Variants in DST observed in about 807,000 individuals in gnomAD.
DST encodes dystonin.
Under a neutral mutation model 875.2 loss-of-function variants are expected in DST, and 253 were observed. The observed-to-expected ratio is 0.29, with a 90% CI of 0.26 to 0.32. The LOEUF is 0.32. Among genes scored for constraint, DST ranks in the 10% least tolerant of loss-of-function variants. The pLI is 1.00. For synonymous variants in DST, 3,124 were observed against 3,197.1 expected (o/e 0.98, Z 0.77); for missense variants, 8,287 against 9,111.6 (o/e 0.91, Z 3.68).
Position 56,851,496 on chromosome 6 carries a change from T to C in DST, c.526A>G (p.Thr176Ala). The C allele has an allele frequency of 6.2e-7, 1 of 1,614,018 alleles. No homozygotes were observed. The highest frequency in any genetic ancestry group is 8.5e-7 in the Non-Finnish European group (1 of 1,179,894). ...TGTTTAGGCAAATTCCAGGGTAAGG[T>C]GTCTCCCGGAGCTGGGGATGCGGAG... Reference protein sequence around the residue: ...SGSASPAPGDTLPWNLPKHER... With the variant: ...SGSASPAPGDALPWNLPKHER... Residue 176 changes from threonine (T) to alanine (A), a missense_variant, in exon 4 of 104, where the codon ACC (threonine) becomes GCC (alanine). Around this residue, in one of 10 missense-constraint regions of DST, gnomAD observed 1,160 missense variants for 1,424.3 expected, o/e 0.81. Transcript: ENST00000680361.
At chr6:56,695,215 G>A (rs2099257029) in intron 9 of DST, among the ~76,000 whole-genome samples, 1 of 150,306 alleles carries the variant, frequency 6.7e-6, no homozygotes, top group Non-Finnish European at 1.5e-5. Flanking sequence ...CTCTTACCAT[G>A]TGACAATCCT....
intron 61 of DST, among the ~76,000 whole-genome samples, chr6:56,543,133 AATT>A (rs1230711022): frequency 6.6e-6 from 1 of 152,170 alleles, no homozygotes. Context: ...TCCGCGAAGA[AATT>A]ATTTTGTGAA....
At chr6:56,693,512 T>G (rs1588700228) in intron 9 of DST, 1 of 557,798 alleles carries the variant, frequency 1.8e-6, no homozygotes, top group Non-Finnish European at 2.3e-6. Context: ...TTTTCTGAAA[T>G]GCAGATACAC....
intron 4 of DST, among the ~76,000 whole-genome samples, chr6:56,787,085 G>T (rs1035884497): frequency 1.3e-5 from 2 of 152,088 alleles, no homozygotes; most frequent in African/African-American, 4.8e-5. Context: ...TATGAAGTAG[G>T]TACAATCAAT....
intron 4 of DST, among the ~76,000 whole-genome samples, chr6:56,750,054 C>T (rs1235171046): frequency 6.6e-6 from 1 of 152,138 alleles, no homozygotes; most frequent in African/African-American, 2.4e-5. Flanking sequence ...CCCAGGAGTA[C>T]AGATGAGCAA....
intron 71 of DST, among the ~76,000 whole-genome samples, chr6:56,516,167 G>C: frequency 7.5e-6 from 1 of 132,866 alleles, no homozygotes; most frequent in Non-Finnish European, 1.6e-5. Flanking sequence ...GAGAGAAAGA[G>C]AAAGAGAAAG....
intron 5 of DST, among the ~76,000 whole-genome samples, chr6:56,731,196 T>A (rs2099496626): frequency 6.6e-6 from 1 of 151,968 alleles, no homozygotes; most frequent in African/African-American, 2.4e-5. Context: ...TAAACAGAGT[T>A]TAGTGTTATC....
At chr6:56,661,787 C>T (rs1301507451) in intron 10 of DST, among the ~76,000 whole-genome samples, 1 of 152,162 alleles carries the variant, frequency 6.6e-6, no homozygotes, top group African/African-American at 2.4e-5. Context: ...GCCGTTTCTC[C>T]ATGTTGGCCA....
At chr6:56,728,295 G>C (rs2099477027) in intron 5 of DST, among the ~76,000 whole-genome samples, 1 of 152,152 alleles carries the variant, frequency 6.6e-6, no homozygotes, top group African/African-American at 2.4e-5. Context: ...AGGTTCAAAA[G>C]ATATTTTGCT....
chr6:56,593,793 T>C lies in DST; in HGVS notation c.12596A>G (p.Asn4199Ser). 1 of 1,613,960 alleles carries C rather than the reference T, an allele frequency of 6.2e-7. No individual in the cohort carries two copies. The highest frequency in any genetic ancestry group is 8.5e-7 in the Non-Finnish European group (1 of 1,179,878). Residue 4199 changes from asparagine to serine, a missense_variant, in exon 48 of 104, where the codon AAC (asparagine) becomes AGC (serine). By Grantham distance (46) the Asn-to-Ser change is conservative (BLOSUM62 1). Transcript: ENST00000680361. ...GDLRYITISG[N>S]RVLEAAKSCS... ...AGATTTGGCAGCTTCCAACACTCTGTTTCCAGAAATTGTGATGTATCTCAA... is the reference window on the plus strand; with the variant it reads ...AGATTTGGCAGCTTCCAACACTCTGCTTCCAGAAATTGTGATGTATCTCAA...
rs759210938 is a variant in DST at position 56,954,417 on chromosome 6, T to G, written c.171A>C (p.Ser57=). 4.4e-6 allele frequency: 6 copies of G among 1,366,864 alleles called. No homozygotes were observed. Among genetic ancestry groups the G allele is most frequent in the Non-Finnish European group, 5.9e-6 (6 of 1,021,626 alleles). The allele number at this position is 1,366,864 out of a possible 1,614,324, so 84.7% of individuals were successfully genotyped here. A position where few individuals can be genotyped will look rare whatever the true frequency, so the allele number is the denominator to read the frequency against. The change falls in exon 1 of 104, where the codon TCA becomes TCC. Residue 57 remains serine (S), a synonymous_variant. Coordinates refer to ENST00000680361, the MANE Select transcript of DST (RefSeq NM_001374736.1). ...HPMKSVFSGR[S]RSRDAVLRSH... ...CGCGGCGTGTCTTACCTCGGCTTCT[T>G]GAACGACCCGAGAAGACCGATTTCA...
intron 48 of DST, among the ~76,000 whole-genome samples, chr6:56,593,215 G>A (rs1312215152): frequency 1.3e-5 from 2 of 152,060 alleles, no homozygotes; most frequent in African/African-American, 4.8e-5. Flanking sequence ...AGTAAAGCAG[G>A]TGAATAAGAT....
intron 2 of DST, among the ~76,000 whole-genome samples, chr6:56,921,641 T>C (rs1186811190): frequency 6.6e-6 from 1 of 152,238 alleles, no homozygotes; most frequent in Non-Finnish European, 1.5e-5. Flanking sequence ...ATTTTTCTCA[T>C]GTTGAAATCT....
chr6:56,494,334 T>C (rs1040558673), intron 82 of DST, among the ~76,000 whole-genome samples, 154 bp from the exon 83 acceptor site: 2 of 152,124 alleles, frequency 1.3e-5, no homozygotes, highest in Non-Finnish European at 2.9e-5. Context: ...TTCACTACAT[T>C]GAAACAACAA....
intron 72 of DST, 142 bp downstream of exon 72, chr6:56,515,308 A>C (rs1398299942): frequency 1.1e-6 from 1 of 878,572 alleles, no homozygotes; most frequent in Non-Finnish European, 1.7e-6. Flanking sequence ...AGCAATTATG[A>C]GGTAAGCAAA....
chr6:56,634,268 A>G lies in DST; in HGVS notation c.3495-10T>C. 1 of 1,613,842 alleles carries G rather than the reference A, an allele frequency of 6.2e-7. No homozygotes were observed. Among genetic ancestry groups the G allele is most frequent in the Non-Finnish European group, 8.5e-7 (1 of 1,180,036 alleles). ...ATACTGTTGCTCAATTCTGAAATAC[A>G]TGAAAGAGAACTCAGATTAATGTTT... On this transcript the variant is annotated splice_polypyrimidine_tract_variant and intron_variant, in intron 26 of 103. Transcript: ENST00000680361.
At chr6:56,504,167 T>C (rs1027356707) in intron 77 of DST, 69 bp from the exon 78 acceptor site, 12 of 876,588 alleles carry the variant, frequency 1.4e-5, no homozygotes, top group Admixed American at 2.7e-5. Context: ...TTTCAAGTAC[T>C]ACAGAAAAAT....
At chr6:56,712,105 A>AAAAAAAAAAAAAAAAAAAAAAATAT (rs1563813928) in intron 5 of DST, among the ~76,000 whole-genome samples, 1 of 150,576 alleles carries the variant, frequency 6.6e-6, no homozygotes, top group African/African-American at 2.4e-5. Context: ...AAAAAAAAAA[A>AAAAAAAAAAAAAAAAAAAAAAATAT]ATAGGAGGAG....
intron 79 of DST, 109 bp from the exon 80 acceptor site, chr6:56,501,344 G>C (rs1034571764): frequency 7.9e-7 from 1 of 1,263,240 alleles, no homozygotes; most frequent in African/African-American, 1.5e-5. Context: ...GTCCATAAAC[G>C]TATCCAGTGA....
Sources: allele counts gnomAD v4.1 joint callset (sites outside exome capture counted in the v4.1 genomes callset), GRCh38; gene constraint gnomAD v4.1.1; regional missense constraint gnomAD v4.1.1; transcripts MANE v1.5; gene names NCBI Gene and HGNC (gene_info 2026-07-23, HGNC 2026-07-21).